Variants in JAK2 observed in about 807,000 individuals in gnomAD.
The protein encoded by JAK2 is Janus kinase 2, also known as tyrosine-protein kinase JAK2.
Under a neutral mutation model 139.3 loss-of-function variants are expected in JAK2, and 86 were observed. The observed-to-expected ratio is 0.62, with a 90% CI of 0.52 to 0.74. JAK2 has a LOEUF of 0.74. JAK2 is among the 30% of genes least tolerant of loss of function. The pLI, the probability that JAK2 is intolerant of heterozygous loss-of-function variation, is 0.00. For missense variants in JAK2, 1,421 were observed against 1,360.3 expected (o/e 1.04, Z -0.70); for synonymous variants, 490 against 437.7 (o/e 1.12, Z -1.49).
intron 4 of JAK2, chr9:5,041,239 G>A: frequency 6.8e-7 from 1 of 1,464,582 alleles, no homozygotes. Flanking sequence ...GGACCAAGCG[G>A]CAGCACGCCA....
At chr9:5,011,221 C>T (rs913425334) in intron 2 of JAK2, among the ~76,000 whole-genome samples, 1 of 148,412 alleles carries the variant, frequency 6.7e-6, no homozygotes, top group Non-Finnish European at 1.5e-5. Flanking sequence ...ATGTATCAGA[C>T]TTTGTTACTC....
intron 22 of JAK2, chr9:5,114,493 C>G (rs556895461): frequency 4.3e-6 from 2 of 466,680 alleles, no homozygotes; most frequent in Admixed American, 2.6e-5. Context: ...TGTGCTCCCC[C>G]ACAGGTCTAC....
chr9:5,001,733 G>C (rs1260126271), intron 2 of JAK2, among the ~76,000 whole-genome samples: 1 of 151,798 alleles, frequency 6.6e-6, no homozygotes, highest in Admixed American at 6.6e-5. Context: ...TTCTGTAAGA[G>C]TTTATACAGA....
chr9:5,024,839 A>G (rs1332117488), intron 3 of JAK2, among the ~76,000 whole-genome samples: 1 of 152,194 alleles, frequency 6.6e-6, no homozygotes, highest in Non-Finnish European at 1.5e-5. Flanking sequence ...AGGGCAAAAG[A>G]GAGAAAAACA....
At chr9:5,070,658 T>C (rs1309848450) in intron 12 of JAK2, among the ~76,000 whole-genome samples, 1 of 152,038 alleles carries the variant, frequency 6.6e-6, no homozygotes, top group Non-Finnish European at 1.5e-5. Flanking sequence ...ATTTTCCAAC[T>C]GAGTTTCCTT....
intron 16 of JAK2, among the ~76,000 whole-genome samples, chr9:5,079,649 A>G (rs78794182): frequency 2.9e-3 from 441 of 152,242 alleles, no homozygotes; most frequent in African/African-American, 0.01. Context: ...ATATAAAAAA[A>G]AAAGATTTGG....
intron 22 of JAK2, chr9:5,112,335 C>G (rs918510496): frequency 1.6e-5 from 5 of 320,426 alleles, no homozygotes; most frequent in Admixed American, 1.2e-4. Flanking sequence ...CCCGACCTCT[C>G]TTGGCCTTCC....
intron 22 of JAK2, chr9:5,094,103 C>T (rs1482450588): frequency 6.6e-6 from 1 of 152,094 alleles, no homozygotes; most frequent in African/African-American, 2.4e-5. Flanking sequence ...TAACAATATG[C>T]CTATAATTAA....
Position 5,090,482 on chromosome 9 carries a change from C to T in JAK2, c.2798C>T (p.Pro933Leu). 1 of 1,574,886 alleles carries T rather than the reference C, an allele frequency of 6.3e-7. No individual in the cohort carries two copies. The highest frequency in any genetic ancestry group is 1.2e-5 in the South Asian group (1 of 82,508). The stretch of plus-strand genomic sequence containing the variant: ...CTAAAATTAATTATGGAATATTTAC[C>T]ATATGGAAGTTTACGAGACTATCTT... ...RNLKLIMEYLPYGSLRDYLQK... is the reference protein window; with the variant it reads ...RNLKLIMEYLLYGSLRDYLQK... The change falls in exon 21 of 25, where the codon CCA becomes CTA. Residue 933 changes from proline (P) to leucine (L), a missense_variant. Coordinates refer to ENST00000381652, the MANE Select transcript of JAK2 (RefSeq NM_004972.4).
intron 22 of JAK2, among the ~76,000 whole-genome samples, chr9:5,116,401 A>G (rs1375114660): frequency 2.0e-5 from 3 of 152,246 alleles, no homozygotes; most frequent in Admixed American, 2.0e-4. Context: ...TGTCGTCATG[A>G]TAAACATTAG....
chr9:4,997,711 G>A lies in JAK2; in HGVS notation c.-26+11689G>A, dbSNP rs546697293. On this transcript the variant is annotated intron_variant, in intron 2 of 24. Transcript: ENST00000381652. ...CAATTGAATATATTGGTTTTATAAA[G>A]GTTTGATATGGAAAGATTCATTAGG... Among the ~76,000 whole-genome samples the A allele has an allele frequency of 2.0e-5, 3 of 152,262 alleles. No individual in the cohort carries two copies. The East Asian group carries it at 5.8e-4, about 29-fold the overall frequency.
At chr9:5,095,619 A>T (rs758685903) in intron 22 of JAK2, among the ~76,000 whole-genome samples, 19 of 152,252 alleles carry the variant, frequency 1.2e-4, no homozygotes, top group Admixed American at 2.6e-4. Context: ...TTCTCCTCAC[A>T]TGACAAAAAC....
intron 16 of JAK2, among the ~76,000 whole-genome samples, chr9:5,079,652 A>T (rs1339324094): frequency 1.3e-5 from 2 of 152,010 alleles, no homozygotes; most frequent in Non-Finnish European, 2.9e-5. Context: ...TAAAAAAAAA[A>T]GATTTGGCCA....
At chr9:5,024,220 C>T (rs1355389943) in intron 3 of JAK2, among the ~76,000 whole-genome samples, 1 of 152,144 alleles carries the variant, frequency 6.6e-6, no homozygotes, top group African/African-American at 2.4e-5. Flanking sequence ...TGCGCCACTG[C>T]ACTCCAGCCT....
intron 3 of JAK2, among the ~76,000 whole-genome samples, chr9:5,028,140 A>G (rs544648095): frequency 6.6e-6 from 1 of 152,326 alleles, no homozygotes; most frequent in Admixed American, 6.5e-5. Flanking sequence ...TGTGTTTCCC[A>G]AATAATAAGA....
intron 22 of JAK2, among the ~76,000 whole-genome samples, chr9:5,105,368 G>T (rs1238821523): frequency 6.6e-6 from 1 of 152,032 alleles, no homozygotes; most frequent in Non-Finnish European, 1.5e-5. Flanking sequence ...AGGACCTCTG[G>T]ACCTCTTCAA....
intron 22 of JAK2, among the ~76,000 whole-genome samples, chr9:5,106,470 A>G (rs1821962335): frequency 6.6e-6 from 1 of 152,238 alleles, no homozygotes; most frequent in African/African-American, 2.4e-5. Flanking sequence ...AACTAGTTCA[A>G]CCACTGCAGA....
intron 15 of JAK2, among the ~76,000 whole-genome samples, 170 bp from the exon 16 acceptor site, chr9:5,078,136 A>C (rs946006237): frequency 6.6e-6 from 1 of 152,224 alleles, no homozygotes; most frequent in Non-Finnish European, 1.5e-5. Flanking sequence ...TTAAAATGTA[A>C]AACAGGAAGC....
chr9:5,078,244 A>G, intron 15 of JAK2, 62 bp from the exon 16 acceptor site: 4 of 1,383,364 alleles, frequency 2.9e-6, no homozygotes, highest in East Asian at 2.3e-5. Context: ...GGGCTTGAAC[A>G]TACTAAATGC....
Sources: gnomAD v4.1 joint callset for allele counts (sites outside exome capture counted in the v4.1 genomes callset) on GRCh38, gnomAD v4.1.1 for gene constraint, MANE v1.5 for transcripts, NCBI Gene and HGNC (gene_info 2026-07-23, HGNC 2026-07-21) for gene names.